OTUD7A: variants seen among roughly 807,000 people sequenced by gnomAD.
The protein encoded by OTUD7A is OTU domain-containing protein 7A.
Under a neutral mutation model 65.7 loss-of-function variants are expected in OTUD7A, and 12 were observed. The ratio of observed to expected loss-of-function variants is 0.18; its 90% CI spans 0.12 to 0.30. The LOEUF (loss-of-function observed/expected upper bound fraction) is 0.30, where lower values mean the gene tolerates loss of function less well. OTUD7A is among the 10% of genes least tolerant of loss of function. OTUD7A has a pLI of 1.00. For missense variants in OTUD7A, 1,148 were observed against 1,304.8 expected (o/e 0.88, Z 1.85); for synonymous variants, 641 against 586.3 (o/e 1.09, Z -1.35).
chr15:31,481,207 C>T lies in OTUD7A; in HGVS notation c.*2087G>A, dbSNP rs1393213835. On this transcript the variant is annotated 3_prime_UTR_variant, in exon 13 of 13. Coordinates refer to ENST00000307050, the MANE Select transcript of OTUD7A (RefSeq NM_001382637.1). ...AAACAAGCAAGAATTGACTTTATGCCTCCTTGACATCTTGTGCATATGAGT... is the reference window on the plus strand; with the variant it reads ...AAACAAGCAAGAATTGACTTTATGCTTCCTTGACATCTTGTGCATATGAGT... 1 of 152,142 alleles carries T rather than the reference C, an allele frequency of 6.6e-6. No homozygotes were observed. Among genetic ancestry groups the T allele is most frequent in the Non-Finnish European group, 1.5e-5 (1 of 68,042 alleles). The allele number at this position is 152,142 out of a possible 1,614,324, so 9.4% of individuals were successfully genotyped here. A position where few individuals can be genotyped will look rare whatever the true frequency, so the allele number is the denominator to read the frequency against.
chr15:31,779,599 A>G lies in OTUD7A; in HGVS notation c.-100+90908T>C, dbSNP rs114679293. Among the ~76,000 whole-genome samples the G allele has an allele frequency of 6.2e-3, 944 of 152,314 alleles. 12 individuals are homozygous for G. The highest frequency in any genetic ancestry group is 0.022 in the African/African-American group (911 of 41,558). On this transcript the variant is annotated intron_variant, in intron 1 of 12. Coordinates refer to ENST00000307050, the MANE Select transcript of OTUD7A (RefSeq NM_001382637.1). Reference sequence around the variant, plus strand: ...TTTCCGTGGCCTTTGTGTGTTGAAAAAAGTCTGGATCTCAGAGCCTGGGAA... The same window carrying G: ...TTTCCGTGGCCTTTGTGTGTTGAAAGAAGTCTGGATCTCAGAGCCTGGGAA...
intron 5 of OTUD7A, among the ~76,000 whole-genome samples, chr15:31,553,471 C>T (rs1474236371): frequency 6.6e-6 from 1 of 152,094 alleles, no homozygotes; most frequent in African/African-American, 2.4e-5. Context: ...ATCTGCATCC[C>T]CAACGCAGGG....
Position 31,483,521 on chromosome 15 carries a change from T to C in OTUD7A, c.2575A>G (p.Thr859Ala). The change falls in exon 13 of 13, where the codon ACC becomes GCC. Residue 859 changes from threonine (T) to alanine (A), a missense_variant. Transcript: ENST00000307050. Reference sequence around the variant, plus strand: ...TCGCGCAGGGCGCCGAAGCCGTTGGTGTAGGTCTGCGACTTGTGCTCGGCC... The same window carrying C: ...TCGCGCAGGGCGCCGAAGCCGTTGGCGTAGGTCTGCGACTTGTGCTCGGCC... Reference protein sequence around the residue: ...GAAEHKSQTYTNGFGALRDGL... With the variant: ...GAAEHKSQTYANGFGALRDGL... 7 of 1,388,572 alleles carry C rather than the reference T, an allele frequency of 5.0e-6. No individual in the cohort carries two copies. The highest frequency in any genetic ancestry group is 5.6e-6 in the Non-Finnish European group (6 of 1,068,568). 86.0% of individuals were successfully genotyped at this position (1,388,572 alleles called of 1,614,324 possible).
chr15:31,680,181 A>G (rs376357175), intron 1 of OTUD7A, among the ~76,000 whole-genome samples: 109 of 152,230 alleles, frequency 7.2e-4, no homozygotes, highest in East Asian at 5.6e-3. Flanking sequence ...TGCTAGTAGG[A>G]GAATATTGGG....
At chr15:31,749,111 G>A (rs1291491734) in intron 1 of OTUD7A, among the ~76,000 whole-genome samples, 1 of 145,742 alleles carries the variant, frequency 6.9e-6, no homozygotes, top group African/African-American at 2.6e-5. Context: ...ACACAGGAAG[G>A]GGAACATCAC....
chr15:31,782,998 C>G (rs1027381460), intron 1 of OTUD7A, among the ~76,000 whole-genome samples: 1 of 152,130 alleles, frequency 6.6e-6, no homozygotes, highest in Non-Finnish European at 1.5e-5. Context: ...CCAACAAGAG[C>G]TGAGTTAAAA....
intron 3 of OTUD7A, among the ~76,000 whole-genome samples, chr15:31,585,527 A>G (rs555676214): frequency 6.6e-6 from 1 of 152,312 alleles, no homozygotes; most frequent in East Asian, 1.9e-4. Flanking sequence ...GTAGGCTGTG[A>G]CAGCACAGTG....
intron 8 of OTUD7A, among the ~76,000 whole-genome samples, chr15:31,526,000 C>T (rs1489566087): frequency 1.3e-5 from 2 of 152,238 alleles, no homozygotes; most frequent in African/African-American, 4.8e-5. Flanking sequence ...CTCACCATCA[C>T]GTGTGACCTC....
chr15:31,818,861 T>A (rs780753493), intron 1 of OTUD7A, among the ~76,000 whole-genome samples: 1 of 152,192 alleles, frequency 6.6e-6, no homozygotes, highest in Non-Finnish European at 1.5e-5. Context: ...CCTGGTATCA[T>A]GGGATGGGTG....
At chr15:31,730,692 T>G (rs1290411095) in intron 1 of OTUD7A, among the ~76,000 whole-genome samples, 1 of 152,212 alleles carries the variant, frequency 6.6e-6, no homozygotes, top group Non-Finnish European at 1.5e-5. Context: ...TGCTACTATT[T>G]CTCAACTGTG....
intron 3 of OTUD7A, among the ~76,000 whole-genome samples, chr15:31,574,218 GT>G (rs1889137791): frequency 6.6e-6 from 1 of 151,960 alleles, no homozygotes; most frequent in Non-Finnish European, 1.5e-5. Context: ...CATTAACATA[GT>G]TTTTTAAAAT....
intron 3 of OTUD7A, among the ~76,000 whole-genome samples, chr15:31,651,765 GC>G (rs1309716483): frequency 1.3e-5 from 2 of 151,796 alleles, no homozygotes; most frequent in Non-Finnish European, 2.9e-5. Context: ...TTACAACCCC[GC>G]CCCCCAATAC....
At chr15:31,580,237 A>C (rs1889332749) in intron 3 of OTUD7A, among the ~76,000 whole-genome samples, 1 of 152,064 alleles carries the variant, frequency 6.6e-6, no homozygotes, top group South Asian at 2.1e-4. Flanking sequence ...CAGCAGGAGG[A>C]GAGGTCTGGT....
At chr15:31,801,722 A>G (rs1376678754) in intron 1 of OTUD7A, among the ~76,000 whole-genome samples, 1 of 152,230 alleles carries the variant, frequency 6.6e-6, no homozygotes, top group Non-Finnish European at 1.5e-5. Context: ...ATTATTTTCA[A>G]TCCACCACTA....
intron 10 of OTUD7A, among the ~76,000 whole-genome samples, chr15:31,493,446 A>G (rs1368144886): frequency 6.6e-6 from 1 of 152,216 alleles, no homozygotes; most frequent in Non-Finnish European, 1.5e-5. Context: ...AGACTTTGCT[A>G]CTTTTTGCTC....
At chr15:31,499,505 C>A (rs533592225) in intron 10 of OTUD7A, among the ~76,000 whole-genome samples, 3 of 152,248 alleles carry the variant, frequency 2.0e-5, no homozygotes, top group Non-Finnish European at 4.4e-5. Context: ...GTGATTTCCA[C>A]GTCCCTCTCT....
At chr15:31,835,709 C>G (rs987350672) in intron 1 of OTUD7A, among the ~76,000 whole-genome samples, 5 of 152,028 alleles carry the variant, frequency 3.3e-5, no homozygotes, top group African/African-American at 1.2e-4. Flanking sequence ...TACCCACATA[C>G]AAATACATAG....
intron 8 of OTUD7A, among the ~76,000 whole-genome samples, chr15:31,506,503 A>AT (rs1222920194): frequency 6.6e-6 from 1 of 151,916 alleles, no homozygotes; most frequent in Non-Finnish European, 1.5e-5. Context: ...CTTACAAGGA[A>AT]TTTTTTTTGG....
At chr15:31,820,682 G>C (rs139667311) in intron 1 of OTUD7A, among the ~76,000 whole-genome samples, 1 of 152,144 alleles carries the variant, frequency 6.6e-6, no homozygotes, top group African/African-American at 2.4e-5. Flanking sequence ...TGGATCCAGT[G>C]GTTGGCTGCC....
Sources: gnomAD v4.1 joint callset for allele counts (sites outside exome capture counted in the v4.1 genomes callset) on GRCh38, gnomAD v4.1.1 for gene constraint, MANE v1.5 for transcripts, NCBI Gene and HGNC (gene_info 2026-07-23, HGNC 2026-07-21) for gene names.